MKLN1: variants seen among roughly 807,000 people sequenced by gnomAD.
The protein encoded by MKLN1 is muskelin.
MKLN1 carries 18 observed loss-of-function variants against 99.0 expected under a neutral mutation model. That is an observed-to-expected ratio of 0.18 (90% CI 0.13 to 0.27). The LOEUF is 0.27. Among genes scored for constraint, MKLN1 ranks in the 10% least tolerant of loss-of-function variants. The pLI is 1.00. For synonymous variants in MKLN1, 288 were observed against 293.2 expected (o/e 0.98, Z 0.18); for missense variants, 621 against 875.9 (o/e 0.71, Z 3.67).
intron 1 of MKLN1, among the ~76,000 whole-genome samples, chr7:131,133,665 T>A (rs1192507352): frequency 4.0e-5 from 6 of 151,726 alleles, no homozygotes; most frequent in Admixed American, 3.3e-4. Context: ...ATTTTTAATT[T>A]TTTTTATAGA....
chr7:131,356,773 G>T (rs750675654), intron 1 of MKLN1, among the ~76,000 whole-genome samples: 2 of 152,118 alleles, frequency 1.3e-5, no homozygotes, highest in Non-Finnish European at 2.9e-5. Context: ...TATCCAAATC[G>T]TGTGCGCCAA....
At position 131,397,139 on chromosome 7, in the gene MKLN1, A is replaced by G. The variant is rs553741620; in HGVS notation, c.401-128A>G. 73 of 617,750 alleles carry G rather than the reference A, an allele frequency of 1.2e-4. No individual in the cohort carries two copies. The African/African-American group carries it at 1.3e-3, about 11-fold the overall frequency. The allele number at this position is 617,750 out of a possible 1,614,324, so 38.3% of individuals were successfully genotyped here. On this transcript the variant is annotated intron_variant, in intron 4 of 17. Transcript: ENST00000352689. ...TTGTAGCCTTAGCACCATGCTAGTC[A>G]TATAAAAGATGCCCAGAAAATTCGT...
In MKLN1 at chr7:131,495,413, A is replaced by C. The variant is rs1316154676; in HGVS notation, c.*7685A>C. 6.6e-6 allele frequency: 1 copy of C among 152,200 alleles called. No individual in the cohort carries two copies. The highest frequency in any genetic ancestry group is 2.4e-5 in the African/African-American group (1 of 41,444). 9.4% of individuals were successfully genotyped at this position (152,200 alleles called of 1,614,324 possible). On this transcript the variant is annotated 3_prime_UTR_variant, in exon 18 of 18. Coordinates refer to ENST00000352689, the MANE Select transcript of MKLN1 (RefSeq NM_013255.5). The stretch of plus-strand genomic sequence containing the variant: ...AAAGTTGGAGAATGTTAAATATCTT[A>C]TATGGGACTTACGATAAAATGTATT...
chr7:131,155,211 A>C (rs1288098332), intron 2 of MKLN1, among the ~76,000 whole-genome samples: 1 of 152,208 alleles, frequency 6.6e-6, no homozygotes. Context: ...AATCCTGCGA[A>C]GTGCTCCTTT....
chr7:131,182,842 T>C (rs1796395094), intron 2 of MKLN1, among the ~76,000 whole-genome samples: 1 of 152,200 alleles, frequency 6.6e-6, no homozygotes, highest in African/African-American at 2.4e-5. Context: ...GGTATAATTT[T>C]AGTGGGCTGA....
chr7:131,185,853 T>C (rs1481497039), intron 2 of MKLN1, among the ~76,000 whole-genome samples: 1 of 152,212 alleles, frequency 6.6e-6, no homozygotes, highest in Non-Finnish European at 1.5e-5. Context: ...GCACGTATTT[T>C]GTACCATGTA....
chr7:131,274,159 T>C (rs1235985975), intron 3 of MKLN1, among the ~76,000 whole-genome samples: 3 of 152,170 alleles, frequency 2.0e-5, no homozygotes, highest in Non-Finnish European at 4.4e-5. Flanking sequence ...CTAGGGGTGC[T>C]GAAACATAAG....
chr7:131,353,407 A>G (rs966191601), intron 1 of MKLN1, among the ~76,000 whole-genome samples: 5 of 151,972 alleles, frequency 3.3e-5, no homozygotes, highest in Non-Finnish European at 4.4e-5. Context: ...ACTGGAATGT[A>G]TTCATGTCTT....
intron 11 of MKLN1, among the ~76,000 whole-genome samples, chr7:131,444,792 GTAGTAGTAGTA>G (rs1183706720): frequency 2.0e-5 from 3 of 148,228 alleles, no homozygotes; most frequent in Non-Finnish European, 4.5e-5. Flanking sequence ...AGTAGTAGTA[GTAGTAGTAGTA>G]GTAGTAGTAG....
intron 16 of MKLN1, among the ~76,000 whole-genome samples, chr7:131,476,438 A>C (rs537589776): frequency 1.0e-3 from 155 of 152,322 alleles, no homozygotes; most frequent in African/African-American, 3.6e-3. Flanking sequence ...AAGTGAATTT[A>C]GCAAGATTAC....
intron 1 of MKLN1, among the ~76,000 whole-genome samples, chr7:131,341,923 A>G (rs1799418720): frequency 6.6e-6 from 1 of 152,212 alleles, no homozygotes; most frequent in African/African-American, 2.4e-5. Flanking sequence ...TCAGTTCCTT[A>G]CAGGAACCAG....
rs1190105753 is a variant in MKLN1, at chr7:131,443,619, T to C, written c.1312T>C (p.Trp438Arg). ...LFAFNCQCQT[W>R]KLLREDSCNA... Reference sequence around the variant, plus strand: ...TGCTTTCAACTGTCAATGTCAAACCTGGAAACTTCTTCGAGAGGACTCCTG... The same window carrying C: ...TGCTTTCAACTGTCAATGTCAAACCCGGAAACTTCTTCGAGAGGACTCCTG... Residue 438 changes from tryptophan to arginine, a missense_variant, in exon 11 of 18, where the codon TGG (tryptophan) becomes CGG (arginine). By Grantham distance (101) the Trp-to-Arg change is moderately radical (BLOSUM62 -3). This residue lies in a region of MKLN1 where 361 missense variants were observed against 540.8 expected (regional missense o/e 0.67). Coordinates refer to ENST00000352689, the MANE Select transcript of MKLN1 (RefSeq NM_013255.5). The C allele has an allele frequency of 6.2e-7, 1 of 1,614,070 alleles. No individual in the cohort carries two copies. The highest frequency in any genetic ancestry group is 1.3e-5 in the African/African-American group (1 of 74,946).
intron 3 of MKLN1, among the ~76,000 whole-genome samples, chr7:131,275,560 TATATA>T (rs1388475683): frequency 5.2e-4 from 16 of 30,802 alleles, no homozygotes; most frequent in African/African-American, 1.2e-3. Context: ...TATATATATA[TATATA>T]TATTTTTTTT....
At chr7:131,114,002 G>T (rs186959700) in intron 1 of MKLN1, among the ~76,000 whole-genome samples, 41 of 152,288 alleles carry the variant, frequency 2.7e-4, no homozygotes, top group Admixed American at 7.8e-4. Flanking sequence ...TCAGCACGTG[G>T]GGCTAACAGT....
chr7:131,327,782 G>C, upstream of MKLN1: 1 of 1,441,506 alleles, frequency 6.9e-7, no homozygotes, highest in Non-Finnish European at 9.1e-7. Context: ...GTAACGATGC[G>C]GGGCGGGGAG....
chr7:131,475,383 T>C (rs1251103001), intron 16 of MKLN1, among the ~76,000 whole-genome samples: 2 of 152,094 alleles, frequency 1.3e-5, no homozygotes, highest in Non-Finnish European at 2.9e-5. Flanking sequence ...AAAAAAACTC[T>C]AGGCCCATAA....
At chr7:131,232,190 T>C (rs1797253584) in intron 3 of MKLN1, among the ~76,000 whole-genome samples, 1 of 152,170 alleles carries the variant, frequency 6.6e-6, no homozygotes, top group Non-Finnish European at 1.5e-5. Context: ...TTGAAGAACA[T>C]GTAAAAGGTC....
intron 3 of MKLN1, among the ~76,000 whole-genome samples, chr7:131,263,064 A>G (rs1797756502): frequency 6.6e-6 from 1 of 152,174 alleles, no homozygotes; most frequent in Non-Finnish European, 1.5e-5. Flanking sequence ...AGGCTTGATA[A>G]GAGTGAAACG....
intron 1 of MKLN1, among the ~76,000 whole-genome samples, chr7:131,369,951 C>T (rs1349017236): frequency 6.6e-6 from 1 of 152,162 alleles, no homozygotes; most frequent in Non-Finnish European, 1.5e-5. Flanking sequence ...ATTCTCCTGC[C>T]TCAGCCTCCC....
Sources: gnomAD v4.1 joint callset for allele counts (sites outside exome capture counted in the v4.1 genomes callset) on GRCh38, gnomAD v4.1.1 for gene constraint, gnomAD v4.1.1 regional missense constraint, MANE v1.5 for transcripts, NCBI Gene and HGNC (gene_info 2026-07-23, HGNC 2026-07-21) for gene names.